Variants in LY86 observed in about 807,000 individuals in gnomAD.
LY86 encodes lymphocyte antigen 86, also known as MD-1, RP105-associated.
Under a neutral mutation model 17.3 loss-of-function variants are expected in LY86, and 20 were observed. The ratio of observed to expected loss-of-function variants is 1.15; its 90% CI spans 0.81 to 1.68. The LOEUF (loss-of-function observed/expected upper bound fraction) is 1.68. Ranked by LOEUF, LY86 falls within the 40% of genes most tolerant of loss-of-function variation. The pLI, the probability that LY86 is intolerant of heterozygous loss-of-function variation, is 0.00. For synonymous variants in LY86, 74 were observed against 70.6 expected (o/e 1.05, Z -0.24); for missense variants, 200 against 191.9 (o/e 1.04, Z -0.25).
At position 6,606,794 on chromosome 6, in the gene LY86, G is replaced by A. The variant is rs562843093; in HGVS notation, c.136+17924G>A. Among the ~76,000 whole-genome samples, 197 of 152,360 alleles carry A rather than the reference G, an allele frequency of 1.3e-3. 1 individual carries two copies. Among genetic ancestry groups the A allele is most frequent in the East Asian group, 1.4e-3 (7 of 5,184 alleles). On this transcript the variant is annotated intron_variant, in intron 1 of 4. Transcript: ENST00000230568. ...AGCGCCGCGCGCAGCCCGGGTTCCC[G>A]CTTACGCCTCTCCCTCCACACCACC...
At chr6:6,589,871 C>T (rs1392005915) in intron 1 of LY86, among the ~76,000 whole-genome samples, 1 of 152,114 alleles carries the variant, frequency 6.6e-6, no homozygotes, top group African/African-American at 2.4e-5. Context: ...CCTGTAATCC[C>T]AGCACTTTGG....
At chr6:6,634,388 A>G (rs1409240269) in intron 3 of LY86, among the ~76,000 whole-genome samples, 1 of 152,256 alleles carries the variant, frequency 6.6e-6, no homozygotes. Flanking sequence ...TGAGAAATAC[A>G]TTATAATGAG....
At chr6:6,598,758 C>T (rs1016107650) in intron 1 of LY86, among the ~76,000 whole-genome samples, 2 of 22,866 alleles carry the variant, frequency 8.7e-5, no homozygotes, top group African/African-American at 1.5e-4. Flanking sequence ...CCTGCCCTTG[C>T]CTTCTCCCAT....
chr6:6,624,919 T>C lies in LY86; in HGVS notation c.137-7T>C. On this transcript the variant is annotated splice_region_variant and splice_polypyrimidine_tract_variant and intron_variant, in intron 1 of 4. Coordinates refer to ENST00000230568, the MANE Select transcript of LY86 (RefSeq NM_004271.4). ...TCGCAACTAATCTATTGTTTTCTTC[T>C]TCGTAGATCCATTACAAGATTTTGG... 1 of 1,447,304 alleles carries C rather than the reference T, an allele frequency of 6.9e-7. No homozygotes were observed. The highest frequency in any genetic ancestry group is 1.4e-5 in the African/African-American group (1 of 71,266). 89.7% of individuals were successfully genotyped at this position (1,447,304 alleles called of 1,614,324 possible). A position where few individuals can be genotyped will look rare whatever the true frequency, so the allele number is the denominator to read the frequency against.
chr6:6,642,003 C>A (rs941739850), intron 3 of LY86, among the ~76,000 whole-genome samples: 1 of 152,262 alleles, frequency 6.6e-6, no homozygotes, highest in African/African-American at 2.4e-5. Flanking sequence ...CACATCCCTG[C>A]ACTTCCCAGT....
chr6:6,629,931 A>T (rs955346369), intron 3 of LY86, among the ~76,000 whole-genome samples: 1 of 152,240 alleles, frequency 6.6e-6, no homozygotes, highest in Admixed American at 6.5e-5. Flanking sequence ...TTACTAAATT[A>T]CATGAAAATA....
In LY86 at chr6:6,630,671, C is replaced by T. The variant is rs76246000; in HGVS notation, c.352+4250C>T. On this transcript the variant is annotated intron_variant, in intron 3 of 4. Coordinates refer to ENST00000230568, the MANE Select transcript of LY86 (RefSeq NM_004271.4). ...ATGCCGATAGAACCCCTGTGTGATC[C>T]GGGAGCTTTGGTCTGGTCTGCAAAC... Among the ~76,000 whole-genome samples the T allele has an allele frequency of 3.4e-3, 518 of 152,262 alleles. 2 individuals carry two copies. Among genetic ancestry groups the T allele is most frequent in the African/African-American group, 0.012 (498 of 41,534 alleles).
intron 1 of LY86, among the ~76,000 whole-genome samples, chr6:6,605,353 C>CT (rs1222421152): frequency 1.3e-5 from 2 of 152,186 alleles, no homozygotes; most frequent in Non-Finnish European, 2.9e-5. Context: ...ATGAAGTAGT[C>CT]AATTCTAGGC....
At chr6:6,618,429 A>ACT (rs111288856) in intron 1 of LY86, among the ~76,000 whole-genome samples, 1 of 149,186 alleles carries the variant, frequency 6.7e-6, no homozygotes, top group Non-Finnish European at 1.5e-5. Context: ...TATGAATTCA[A>ACT]TTTTTTTTTT....
At chr6:6,625,388 C>T (rs1370169285) in intron 2 of LY86, among the ~76,000 whole-genome samples, 2 of 152,192 alleles carry the variant, frequency 1.3e-5, no homozygotes, top group Non-Finnish European at 2.9e-5. Flanking sequence ...ACCAGCGGTA[C>T]GGTTTGTCAT....
At chr6:6,595,731 A>C (rs1760692236) in intron 1 of LY86, among the ~76,000 whole-genome samples, 1 of 152,058 alleles carries the variant, frequency 6.6e-6, no homozygotes. Flanking sequence ...ATGTAGGGCC[A>C]CTCTCTTATC....
intron 3 of LY86, among the ~76,000 whole-genome samples, chr6:6,627,631 A>C (rs1761815146): frequency 6.6e-6 from 1 of 152,160 alleles, no homozygotes; most frequent in African/African-American, 2.4e-5. Context: ...CAGTATTTCA[A>C]ATGTGGCTGA....
Position 6,606,059 on chromosome 6 carries a change from A to G in LY86, c.136+17189A>G, listed in dbSNP as rs138015344. Among the ~76,000 whole-genome samples, 629 of 152,324 alleles carry G rather than the reference A, an allele frequency of 4.1e-3. 4 individuals carry two copies. Among genetic ancestry groups the G allele is most frequent in the African/African-American group, 0.014 (574 of 41,564 alleles). ...ACTACTCAAGCAGGTTACTGCTGCT[A>G]GCGCGGGCAGCCTGCTTTTATTCTC... On this transcript the variant is annotated intron_variant, in intron 1 of 4. Coordinates refer to ENST00000230568, the MANE Select transcript of LY86 (RefSeq NM_004271.4).
chr6:6,636,518 AC>A (rs1221080514), intron 3 of LY86, among the ~76,000 whole-genome samples: 35 of 152,334 alleles, frequency 2.3e-4, no homozygotes, highest in African/African-American at 8.4e-4. Context: ...CTGCATTTTA[AC>A]AAGGCCCATG....
At chr6:6,632,591 A>C (rs1042816157) in intron 3 of LY86, among the ~76,000 whole-genome samples, 2 of 152,186 alleles carry the variant, frequency 1.3e-5, no homozygotes, top group African/African-American at 4.8e-5. Context: ...TTCACCATAG[A>C]GCCAGAGGAG....
intron 1 of LY86, among the ~76,000 whole-genome samples, chr6:6,589,943 A>T (rs1007978312): frequency 4.0e-5 from 6 of 151,792 alleles, no homozygotes; most frequent in Non-Finnish European, 7.4e-5. Flanking sequence ...CCAACATGGA[A>T]AAACCCTGTT....
chr6:6,625,087 T>C (rs958665893), intron 2 of LY86, 75 bp downstream of exon 2: 8 of 654,350 alleles, frequency 1.2e-5, no homozygotes, highest in Admixed American at 8.9e-5. Flanking sequence ...CAATGACTTA[T>C]GTTAACTGTA....
At chr6:6,610,165 C>T (rs191792411) in intron 1 of LY86, among the ~76,000 whole-genome samples, 38 of 152,286 alleles carry the variant, frequency 2.5e-4, no homozygotes, top group Non-Finnish European at 3.8e-4. Flanking sequence ...GTGTGAAAAC[C>T]GCTAAAACCT....
intron 4 of LY86, among the ~76,000 whole-genome samples, chr6:6,650,397 T>G (rs1283245625): frequency 6.6e-6 from 1 of 150,896 alleles, no homozygotes; most frequent in African/African-American, 2.4e-5. Flanking sequence ...TGCAGGGGCA[T>G]GATCTCAGCT....
Sources: allele counts gnomAD v4.1 joint callset (sites outside exome capture counted in the v4.1 genomes callset), GRCh38; gene constraint gnomAD v4.1.1; transcripts MANE v1.5; gene names NCBI Gene and HGNC (gene_info 2026-07-23, HGNC 2026-07-21).